Variants in DAB1 observed in about 807,000 individuals in gnomAD.
DAB1 encodes the protein disabled homolog 1.
A neutral mutation model predicts 64.6 loss-of-function variants in DAB1; 15 were observed. The ratio of observed to expected loss-of-function variants is 0.23; its 90% CI spans 0.16 to 0.36. The LOEUF (loss-of-function observed/expected upper bound fraction) is 0.36, where lower values mean the gene tolerates loss of function less well. Among genes scored for constraint, DAB1 ranks in the 10% least tolerant of loss-of-function variants. The probability of loss-of-function intolerance (pLI) is 1.00; values close to 1 mark genes in which losing one functional copy is unlikely to be tolerated. For missense variants in DAB1, 596 were observed against 706.7 expected (o/e 0.84, Z 1.78); for synonymous variants, 235 against 251.9 (o/e 0.93, Z 0.64).
intron 5 of DAB1, among the ~76,000 whole-genome samples, chr1:58,016,006 AG>A (rs368278441): frequency 2.7e-5 from 4 of 146,046 alleles, no homozygotes; most frequent in East Asian, 2.0e-4. Flanking sequence ...CAAACAGCCT[AG>A]GGGGGGGTAG....
intron 3 of DAB1, among the ~76,000 whole-genome samples, chr1:58,471,469 G>C (rs1257291630): frequency 6.6e-6 from 1 of 151,998 alleles, no homozygotes; most frequent in Non-Finnish European, 1.5e-5. Flanking sequence ...ATGATGTCTC[G>C]GGCAGGGAAT....
chr1:57,629,398 C>A (rs2101626187), intron 7 of DAB1, among the ~76,000 whole-genome samples: 1 of 152,266 alleles, frequency 6.6e-6, no homozygotes, highest in South Asian at 2.1e-4. Context: ...TAGGGGAACA[C>A]ACCTGAGTGC....
At chr1:57,219,651 C>T (rs1196768555) in intron 2 of DAB1, among the ~76,000 whole-genome samples, 20 of 152,132 alleles carry the variant, frequency 1.3e-4, no homozygotes, top group Admixed American at 1.1e-3. Context: ...ACTGAAGGTG[C>T]CTTGTGAGAA....
intron 4 of DAB1, among the ~76,000 whole-genome samples, chr1:58,172,869 C>T (rs893428811): frequency 6.6e-6 from 1 of 152,230 alleles, no homozygotes; most frequent in Non-Finnish European, 1.5e-5. Context: ...AGCAAGTATG[C>T]TTATCTAATC....
At chr1:57,121,128 AAG>A (rs1480224991) in intron 4 of DAB1, among the ~76,000 whole-genome samples, 2 of 143,902 alleles carry the variant, frequency 1.4e-5, no homozygotes, top group East Asian at 2.1e-4. Flanking sequence ...GAAGAAGAAG[AAG>A]AGAAGAAGAA....
At chr1:57,312,713 C>T (rs879288475) in intron 1 of DAB1, among the ~76,000 whole-genome samples, 9 of 152,008 alleles carry the variant, frequency 5.9e-5, no homozygotes, top group Admixed American at 5.2e-4. Context: ...TGTAAAATGG[C>T]CCCTATTCAC....
At chr1:58,061,473 A>G (rs1648499429) in intron 5 of DAB1, among the ~76,000 whole-genome samples, 1 of 152,082 alleles carries the variant, frequency 6.6e-6, no homozygotes, top group Non-Finnish European at 1.5e-5. Flanking sequence ...GAAGAGTCAT[A>G]CTGATCTCTG....
intron 7 of DAB1, among the ~76,000 whole-genome samples, chr1:57,605,313 T>G (rs1462063290): frequency 1.3e-5 from 2 of 152,342 alleles, no homozygotes; most frequent in East Asian, 3.9e-4. Context: ...GTGTTGGTGT[T>G]GCTTGTAGCA....
At chr1:57,388,159 C>T (rs150170315) in intron 1 of DAB1, among the ~76,000 whole-genome samples, 7 of 152,306 alleles carry the variant, frequency 4.6e-5, no homozygotes, top group Admixed American at 2.6e-4. Flanking sequence ...CTTCTGCACT[C>T]GCAAATGTGA....
At chr1:58,228,603 G>A (rs1570513126) in intron 4 of DAB1, 1 of 608,544 alleles carries the variant, frequency 1.6e-6, no homozygotes, top group East Asian at 5.4e-5. Context: ...GGGCTTTCTT[G>A]GGACCCAGAT....
chr1:57,574,303 G>A (rs1185621389), intron 7 of DAB1, among the ~76,000 whole-genome samples: 2 of 152,136 alleles, frequency 1.3e-5, no homozygotes, highest in African/African-American at 4.8e-5. Context: ...GAGGGGAAGA[G>A]CAGGACTGGA....
intron 5 of DAB1, among the ~76,000 whole-genome samples, chr1:58,019,054 T>C (rs561931076): frequency 2.6e-5 from 4 of 152,254 alleles, no homozygotes; most frequent in African/African-American, 9.6e-5. Flanking sequence ...CTTGAGATAA[T>C]CACTTAATCT....
rs368136593 is a variant in DAB1 at position 58,175,472 on chromosome 1, G to A, written n.310-24884C>T. Among the ~76,000 whole-genome samples the A allele has an allele frequency of 5.3e-5, 8 of 152,294 alleles. No individual in the cohort carries two copies. The East Asian group carries it at 9.7e-4, about 18-fold the overall frequency. On this transcript the variant is annotated intron_variant and non_coding_transcript_variant, in intron 4 of 20. Coordinates refer to the DAB1 transcript ENST00000485760. Reference sequence around the variant, plus strand: ...GAACTCACTGGAAGGAACCAATTCCGGGCACACTAACACTTGTTATTATTT... The same window carrying A: ...GAACTCACTGGAAGGAACCAATTCCAGGCACACTAACACTTGTTATTATTT...
At chr1:57,647,875 G>A (rs1302117760) in intron 7 of DAB1, among the ~76,000 whole-genome samples, 3 of 152,156 alleles carry the variant, frequency 2.0e-5, no homozygotes, top group South Asian at 4.1e-4. Flanking sequence ...TTGAAGTTCC[G>A]AGTCTAGGTA....
Position 57,439,418 on chromosome 1 carries a change from G to GTTT in DAB1, n.626-148255_626-148253dup. On this transcript the variant is annotated intron_variant and non_coding_transcript_variant, in intron 7 of 20. Coordinates refer to the DAB1 transcript ENST00000485760. ...GCCATGCCATCAACTTGGTGATGAG[G>GTTT]TTTTTTCTTTTTTTTTTTTTTTTTT... Among the ~76,000 whole-genome samples, 108 of 116,090 alleles carry GTTT rather than the reference G, an allele frequency of 9.3e-4. 8 individuals carry two copies. The highest frequency in any genetic ancestry group is 1.8e-3 in the African/African-American group (50 of 28,282). The allele number at this position is 116,090 out of a possible 152,430, so 76.2% of individuals were successfully genotyped here.
At chr1:58,362,001 A>G (rs1644172189) in intron 3 of DAB1, among the ~76,000 whole-genome samples, 1 of 150,150 alleles carries the variant, frequency 6.7e-6, no homozygotes, top group African/African-American at 2.5e-5. Context: ...AGTAGCTGGG[A>G]TTACAGGTGC....
At chr1:57,302,029 A>G (rs1673705497) in intron 1 of DAB1, among the ~76,000 whole-genome samples, 2 of 152,114 alleles carry the variant, frequency 1.3e-5, no homozygotes, top group African/African-American at 4.8e-5. Context: ...CCTTTTGACA[A>G]AAAGGGCTAT....
At chr1:58,322,595 T>C (rs1235669893) in intron 4 of DAB1, among the ~76,000 whole-genome samples, 2 of 152,106 alleles carry the variant, frequency 1.3e-5, no homozygotes, top group African/African-American at 2.4e-5. Flanking sequence ...AAACAACAGG[T>C]GCTGGAGAGG....
intron 4 of DAB1, among the ~76,000 whole-genome samples, chr1:58,243,063 A>T (rs1195495977): frequency 6.6e-6 from 1 of 152,266 alleles, no homozygotes; most frequent in South Asian, 2.1e-4. Context: ...ATTGACAAAT[A>T]TTTTGAGTTC....
Sources: allele counts gnomAD v4.1 joint callset (sites outside exome capture counted in the v4.1 genomes callset), GRCh38; gene constraint gnomAD v4.1.1; transcripts MANE v1.5; gene names NCBI Gene and HGNC (gene_info 2026-07-23, HGNC 2026-07-21).